Variants in ITGB6 observed in about 807,000 individuals in gnomAD.
ITGB6 encodes the protein integrin beta-6.
ITGB6 carries 80 observed loss-of-function variants against 84.5 expected under a neutral mutation model. The observed-to-expected ratio is 0.95, with a 90% CI of 0.79 to 1.14. The LOEUF (loss-of-function observed/expected upper bound fraction) is 1.14. Among genes scored for constraint, ITGB6 ranks in the 50% most tolerant of loss-of-function variants. The pLI is 0.00. For synonymous variants in ITGB6, 383 were observed against 354.9 expected (o/e 1.08, Z -0.89); for missense variants, 1,006 against 968.0 (o/e 1.04, Z -0.52).
At chr2:160,188,859 C>T (rs2105890216) in intron 4 of ITGB6, among the ~76,000 whole-genome samples, 1 of 152,220 alleles carries the variant, frequency 6.6e-6, no homozygotes, top group African/African-American at 2.4e-5. Flanking sequence ...CCACCTAAGC[C>T]TCCCAAAACG....
chr2:160,127,090 A>G (rs1683272580), intron 10 of ITGB6, among the ~76,000 whole-genome samples: 1 of 152,210 alleles, frequency 6.6e-6, no homozygotes. Flanking sequence ...TACCAACATG[A>G]TAGATAGCAG....
chr2:160,138,105 T>C lies in ITGB6; in HGVS notation c.1202A>G (p.Gln401Arg). 1 of 1,613,974 alleles carries C rather than the reference T, an allele frequency of 6.2e-7. No individual in the cohort carries two copies. Among genetic ancestry groups the C allele is most frequent in the Non-Finnish European group, 8.5e-7 (1 of 1,179,996 alleles). Residue 401 changes from glutamine (Q) to arginine (R), a missense_variant, in exon 9 of 15, where the codon CAA (glutamine) becomes CGA (arginine). Transcript: ENST00000283249. Reference protein sequence around the residue: ...TAICNNGTLFQHQKKCSHMKV... With the variant: ...TAICNNGTLFRHQKKCSHMKV... ...CATGTGAGAGCATTTCTTTTGGTGTTGGAAGAGGGTACCGTTGTTACAGAT... is the reference window on the plus strand; with the variant it reads ...CATGTGAGAGCATTTCTTTTGGTGTCGGAAGAGGGTACCGTTGTTACAGAT...
At chr2:160,120,827 C>A (rs962777652) in intron 12 of ITGB6, among the ~76,000 whole-genome samples, 1 of 147,036 alleles carries the variant, frequency 6.8e-6, no homozygotes, top group Admixed American at 6.9e-5. Context: ...AACCAAACAC[C>A]ACATGTTCTC....
intron 13 of ITGB6, among the ~76,000 whole-genome samples, chr2:160,111,429 G>C (rs893328936): frequency 6.6e-6 from 1 of 151,854 alleles, no homozygotes; most frequent in Non-Finnish European, 1.5e-5. Flanking sequence ...CCTAATGAAC[G>C]GCCACAAGAC....
At chr2:160,144,866 G>A (rs533853708) in intron 7 of ITGB6, among the ~76,000 whole-genome samples, 23 of 152,306 alleles carry the variant, frequency 1.5e-4, no homozygotes, top group African/African-American at 5.3e-4. Context: ...ATATAAAAGC[G>A]TTGGCAGCCA....
intron 8 of ITGB6, among the ~76,000 whole-genome samples, chr2:160,141,134 T>G (rs1683984691): frequency 6.6e-6 from 1 of 152,186 alleles, no homozygotes. Flanking sequence ...TGTTCTTACA[T>G]AGTTGCTGTT....
chr2:160,134,324 C>T (rs892057319), intron 10 of ITGB6, among the ~76,000 whole-genome samples: 7 of 152,032 alleles, frequency 4.6e-5, no homozygotes, highest in Admixed American at 2.6e-4. Context: ...ATAAATTCCT[C>T]GACACATACA....
intron 13 of ITGB6, among the ~76,000 whole-genome samples, chr2:160,110,663 C>A (rs1366810418): frequency 6.6e-6 from 1 of 152,200 alleles, no homozygotes; most frequent in Non-Finnish European, 1.5e-5. Flanking sequence ...CTGGTGGCGA[C>A]CCTTCACTCA....
At chr2:160,129,962 A>G (rs1344923191) in intron 10 of ITGB6, among the ~76,000 whole-genome samples, 1 of 152,202 alleles carries the variant, frequency 6.6e-6, no homozygotes, top group Admixed American at 6.5e-5. Context: ...ACACACACAC[A>G]CAGTCATGTG....
At chr2:160,134,348 A>G (rs1683612899) in intron 10 of ITGB6, among the ~76,000 whole-genome samples, 1 of 152,220 alleles carries the variant, frequency 6.6e-6, no homozygotes, top group Non-Finnish European at 1.5e-5. Context: ...TCCCAAGACT[A>G]AACCAGGAAG....
At chr2:160,136,182 T>A (rs1683705593) in intron 10 of ITGB6, among the ~76,000 whole-genome samples, 1 of 152,118 alleles carries the variant, frequency 6.6e-6, no homozygotes, top group Non-Finnish European at 1.5e-5. Flanking sequence ...ATCCAGAATC[T>A]ACAAAGAACT....
chr2:160,111,938 C>G (rs1376052331), intron 13 of ITGB6, 142 bp downstream of exon 13: 3 of 834,092 alleles, frequency 3.6e-6, no homozygotes, highest in Non-Finnish European at 5.7e-6. Flanking sequence ...TGGCATCTTT[C>G]AATCCTTGGG....
rs927761678 is a variant in ITGB6, at chr2:160,110,882, G to A, written c.2101+1198C>T. On this transcript the variant is annotated intron_variant, in intron 13 of 14. Transcript: ENST00000283249. ...AGTGCCAGGCCTACCCAACCATGCGGACATTTGTTGAGGAAGAGGGAGCCT... is the reference window on the plus strand; with the variant it reads ...AGTGCCAGGCCTACCCAACCATGCGAACATTTGTTGAGGAAGAGGGAGCCT... 4.6e-5 allele frequency among the ~76,000 whole-genome samples: 7 copies of A among 152,186 alleles called. No individual in the cohort carries two copies. In the South Asian group the frequency reaches 8.3e-4, roughly 18 times the overall value.
intron 4 of ITGB6, among the ~76,000 whole-genome samples, chr2:160,189,166 C>A (rs1183576229): frequency 6.6e-6 from 1 of 152,142 alleles, no homozygotes; most frequent in Non-Finnish European, 1.5e-5. Flanking sequence ...AAAGCTGAAA[C>A]TGGATCCCTT....
At chr2:160,193,556 A>C (rs914396570) in intron 4 of ITGB6, among the ~76,000 whole-genome samples, 1 of 152,254 alleles carries the variant, frequency 6.6e-6, no homozygotes, top group African/African-American at 2.4e-5. Flanking sequence ...TGGTATATTT[A>C]ACCATCAAAA....
intron 4 of ITGB6, among the ~76,000 whole-genome samples, chr2:160,192,264 T>G (rs534563704): frequency 1.1e-4 from 17 of 152,238 alleles, no homozygotes; most frequent in African/African-American, 3.8e-4. Flanking sequence ...AGTGGTTACA[T>G]GGGTATATGC....
intron 8 of ITGB6, among the ~76,000 whole-genome samples, chr2:160,141,687 C>T (rs969638019): frequency 5.3e-5 from 8 of 152,044 alleles, no homozygotes; most frequent in Admixed American, 3.3e-4. Context: ...AATTGTATGA[C>T]TCGTGGAGCC....
chr2:160,133,069 T>A (rs1248676044), intron 10 of ITGB6, among the ~76,000 whole-genome samples: 3 of 152,084 alleles, frequency 2.0e-5, no homozygotes, highest in African/African-American at 7.2e-5. Context: ...GCAGTCTACC[T>A]AGTTTTTACT....
At chr2:160,145,850 G>A (rs1278375486) in intron 7 of ITGB6, among the ~76,000 whole-genome samples, 1 of 152,196 alleles carries the variant, frequency 6.6e-6, no homozygotes, top group Admixed American at 6.5e-5. Flanking sequence ...TGCAGAAGGG[G>A]CAGCTCCTGA....
Sources: gnomAD v4.1 joint callset for allele counts (sites outside exome capture counted in the v4.1 genomes callset) on GRCh38, gnomAD v4.1.1 for gene constraint, MANE v1.5 for transcripts, NCBI Gene and HGNC (gene_info 2026-07-23, HGNC 2026-07-21) for gene names.